KSR2: variants seen among roughly 807,000 people sequenced by gnomAD.
KSR2 encodes the protein kinase suppressor of ras 2.
KSR2 carries 25 observed loss-of-function variants against 107.8 expected under a neutral mutation model. That is an observed-to-expected ratio of 0.23 (90% CI 0.17 to 0.32). The LOEUF (loss-of-function observed/expected upper bound fraction) is 0.32. Among genes scored for constraint, KSR2 ranks in the 10% least tolerant of loss-of-function variants. The probability of loss-of-function intolerance (pLI) is 1.00; values close to 1 mark genes in which losing one functional copy is unlikely to be tolerated. For synonymous variants in KSR2, 480 were observed against 507.0 expected (o/e 0.95, Z 0.71); for missense variants, 887 against 1,268.9 (o/e 0.70, Z 4.57).
intron 3 of KSR2, among the ~76,000 whole-genome samples, chr12:117,794,071 T>TACACCAACATGCACACTC (rs1336850781): frequency 6.2e-5 from 3 of 48,386 alleles, no homozygotes; most frequent in East Asian, 7.3e-4. Context: ...CATGCACACA[T>TACACCAACATGCACACTC]ACACCAACAT....
In KSR2 at chr12:117,454,040, C is replaced by G. The variant is rs866677670; in HGVS notation, c.*13159G>C. 6.6e-6 allele frequency: 1 copy of G among 152,178 alleles called. No individual in the cohort carries two copies. The highest frequency in any genetic ancestry group is 2.4e-5 in the African/African-American group (1 of 41,438). 9.4% of individuals were successfully genotyped at this position (152,178 alleles called of 1,614,324 possible). A position where few individuals can be genotyped will look rare whatever the true frequency, so the allele number is the denominator to read the frequency against. ...CAAATATCTAAATAAATGGGTAACA[C>G]CCACCACCTCGCTATTCTAGTCCCT... On this transcript the variant is annotated 3_prime_UTR_variant, in exon 20 of 20. Coordinates refer to ENST00000339824, the MANE Select transcript of KSR2 (RefSeq NM_173598.6).
At chr12:117,878,541 G>A (rs749907742) in intron 1 of KSR2, among the ~76,000 whole-genome samples, 3 of 152,170 alleles carry the variant, frequency 2.0e-5, no homozygotes, top group African/African-American at 7.2e-5. Context: ...GAGGAGGTAG[G>A]CAGAAGTTCT....
chr12:117,484,689 G>A lies in KSR2; in HGVS notation c.2317-140C>T, dbSNP rs1193213450. 1.1e-5 allele frequency: 9 copies of A among 810,148 alleles called. No individual in the cohort carries two copies. In the African/African-American group the frequency reaches 1.4e-4, roughly 12 times the overall value. The allele number at this position is 810,148 out of a possible 1,614,324, so 50.2% of individuals were successfully genotyped here. A position where few individuals can be genotyped will look rare whatever the true frequency, so the allele number is the denominator to read the frequency against. ...TCAACAGAGGCAGGGCCTGGGGTCTGACCGTGGGTCCTGGGGGTGAGGTCG... is the reference window on the plus strand; with the variant it reads ...TCAACAGAGGCAGGGCCTGGGGTCTAACCGTGGGTCCTGGGGGTGAGGTCG... On this transcript the variant is annotated intron_variant, in intron 15 of 19. Coordinates refer to ENST00000339824, the MANE Select transcript of KSR2 (RefSeq NM_173598.6).
intron 1 of KSR2, among the ~76,000 whole-genome samples, chr12:117,939,753 A>G (rs1362763986): frequency 6.6e-6 from 1 of 150,740 alleles, no homozygotes. Flanking sequence ...AAACGTGGCC[A>G]ATGTGGTGAA....
intron 14 of KSR2, among the ~76,000 whole-genome samples, chr12:117,488,106 G>A (rs142244866): frequency 0.014 from 2,161 of 152,174 alleles, 22 homozygotes; most frequent in Non-Finnish European, 0.023. Context: ...CTGCACAAGC[G>A]CTCTTGCTTG....
intron 14 of KSR2, among the ~76,000 whole-genome samples, chr12:117,487,427 C>T (rs1322439990): frequency 6.6e-6 from 1 of 152,200 alleles, no homozygotes; most frequent in African/African-American, 2.4e-5. Context: ...AGCCAGTTGG[C>T]AGGAGGCAGC....
intron 10 of KSR2, 56 bp from the exon 11 acceptor site, chr12:117,531,763 G>A: frequency 1.0e-5 from 14 of 1,402,292 alleles, no homozygotes; most frequent in Non-Finnish European, 1.3e-5. Flanking sequence ...ATCGCTTCAG[G>A]GACCAGATTG....
intron 3 of KSR2, among the ~76,000 whole-genome samples, chr12:117,774,044 A>G (rs1281777734): frequency 6.6e-6 from 1 of 152,168 alleles, no homozygotes; most frequent in African/African-American, 2.4e-5. Context: ...GTGGTAGATC[A>G]GGGTTTCTGA....
chr12:117,960,070 G>T (rs1417918379), intron 1 of KSR2, among the ~76,000 whole-genome samples: 1 of 152,076 alleles, frequency 6.6e-6, no homozygotes, highest in South Asian at 2.1e-4. Flanking sequence ...GACTCCTTGG[G>T]GTTCCAATAA....
At chr12:117,620,926 G>T (rs1355376371) in intron 5 of KSR2, among the ~76,000 whole-genome samples, 1 of 152,136 alleles carries the variant, frequency 6.6e-6, no homozygotes, top group African/African-American at 2.4e-5. Flanking sequence ...CATGTAGTAA[G>T]CCCCTTCCAT....
chr12:117,912,819 C>G (rs1216265493), intron 1 of KSR2, among the ~76,000 whole-genome samples: 1 of 152,072 alleles, frequency 6.6e-6, no homozygotes, highest in Non-Finnish European at 1.5e-5. Flanking sequence ...GTTCTCTGAT[C>G]GCAGCTCCTC....
At chr12:117,636,339 C>G (rs1347059792) in intron 5 of KSR2, among the ~76,000 whole-genome samples, 1 of 32,692 alleles carries the variant, frequency 3.1e-5, no homozygotes, top group South Asian at 2.3e-3. Context: ...CTTATGTACT[C>G]CAAATATATA....
At chr12:117,834,534 T>C (rs1892119764) in intron 3 of KSR2, among the ~76,000 whole-genome samples, 1 of 151,816 alleles carries the variant, frequency 6.6e-6, no homozygotes, top group African/African-American at 2.4e-5. Flanking sequence ...TGATAGGCAA[T>C]AAAATAAAAT....
At chr12:117,871,178 C>T (rs1893639407) in intron 1 of KSR2, among the ~76,000 whole-genome samples, 1 of 152,140 alleles carries the variant, frequency 6.6e-6, no homozygotes, top group African/African-American at 2.4e-5. Flanking sequence ...CCCCATTGTA[C>T]AAAGGAAGAA....
intron 1 of KSR2, among the ~76,000 whole-genome samples, chr12:117,881,129 A>G (rs541380776): frequency 5.4e-4 from 82 of 152,242 alleles, no homozygotes; most frequent in African/African-American, 1.9e-3. Context: ...GAACATGATG[A>G]GTTTCCCCGG....
In KSR2 at chr12:117,794,023, C is replaced by T. The variant is rs375814003; in HGVS notation, c.473-32499G>A. 8.7e-3 allele frequency among the ~76,000 whole-genome samples: 334 copies of T among 38,608 alleles called. 2 individuals are homozygous for T. The highest frequency in any genetic ancestry group is 0.024 in the Middle Eastern group (1 of 42). 25.3% of individuals were successfully genotyped at this position (38,608 alleles called of 152,430 possible). On this transcript the variant is annotated intron_variant, in intron 3 of 19. Coordinates refer to ENST00000339824, the MANE Select transcript of KSR2 (RefSeq NM_173598.6). The stretch of plus-strand genomic sequence containing the variant: ...GCACACACACCAACATGCACACTCA[C>T]ACCAACATGCACACACCAACATGCA...
chr12:117,958,029 C>T lies in KSR2; in HGVS notation c.180+10047G>A, dbSNP rs140127080. Among the ~76,000 whole-genome samples the T allele has an allele frequency of 9.9e-3, 1,508 of 152,158 alleles. 20 individuals are homozygous for T. Among genetic ancestry groups the T allele is most frequent in the Middle Eastern group, 0.075 (22 of 294 alleles). ...TGTATTTTTAGTAGAGACGGGGTTT[C>T]GCCATGTTGGCCAAGCTGGTCTTGA... is the stretch of plus-strand genomic sequence containing the variant. On this transcript the variant is annotated intron_variant, in intron 1 of 19. Transcript: ENST00000339824.
chr12:117,745,715 T>C (rs1159696426), intron 4 of KSR2, among the ~76,000 whole-genome samples: 3 of 152,130 alleles, frequency 2.0e-5, no homozygotes, highest in Non-Finnish European at 4.4e-5. Context: ...CTTAAGCTTA[T>C]AAACAACTTC....
At chr12:117,955,984 T>C (rs1173585911) in intron 1 of KSR2, among the ~76,000 whole-genome samples, 2 of 151,856 alleles carry the variant, frequency 1.3e-5, no homozygotes, top group Admixed American at 6.6e-5. Context: ...GGCGCAGTGG[T>C]TCACGCCTGT....
Sources: allele counts gnomAD v4.1 joint callset (sites outside exome capture counted in the v4.1 genomes callset), GRCh38; gene constraint gnomAD v4.1.1; transcripts MANE v1.5; gene names NCBI Gene and HGNC (gene_info 2026-07-23, HGNC 2026-07-21).